DYNC2LI1: variants seen among roughly 807,000 people sequenced by gnomAD.
DYNC2LI1 encodes the protein cytoplasmic dynein 2 light intermediate chain 1.
Under a neutral mutation model 51.9 loss-of-function variants are expected in DYNC2LI1, and 45 were observed. The ratio of observed to expected loss-of-function variants is 0.87; its 90% confidence interval spans 0.68 to 1.11. DYNC2LI1 has a LOEUF of 1.11. Ranked by LOEUF, DYNC2LI1 falls within the 50% of genes most tolerant of loss-of-function variation. DYNC2LI1 has a pLI of 0.00. For synonymous variants in DYNC2LI1, 130 were observed against 137.8 expected, an observed-to-expected ratio of 0.94 and a Z score of 0.40; for missense variants, 490 against 417.4, an observed-to-expected ratio of 1.17 and a Z score of -1.51.
intron 8 of DYNC2LI1, among the ~76,000 whole-genome samples, chr2:43,797,078 T>A (rs368827466): frequency 6.0e-4 from 92 of 152,338 alleles, no homozygotes; most frequent in African/African-American, 2.2e-3. Context: ...TATTTATTCA[T>A]TTTTGGTATC....
At chr2:43,818,326 C>A in the DYNC2LI1 span, among the ~76,000 whole-genome samples, 50 of 152,120 alleles carry the variant, frequency 3.3e-4, no homozygotes, top group Non-Finnish European at 5.7e-4. Flanking sequence ...CACCTGTAAT[C>A]CCAGCTATTC....
chr2:43,800,964 G>T, intron 9 of DYNC2LI1, 47 bp downstream of exon 9: 1 of 1,308,964 alleles, frequency 7.6e-7, no homozygotes, highest in Admixed American at 1.9e-5. Context: ...GATTGATTTA[G>T]CCAATGTTGT....
chr2:43,780,991 C>G (rs535685313), intron 2 of DYNC2LI1, among the ~76,000 whole-genome samples: 44 of 152,126 alleles, frequency 2.9e-4, no homozygotes, highest in Non-Finnish European at 5.6e-4. Context: ...TAATCTAAAA[C>G]TTGATTTCAG....
At position 43,776,789 on chromosome 2, in the gene DYNC2LI1, C is replaced by A. The variant is rs146698690; in HGVS notation, c.16C>A (p.Leu6Ile). Reference sequence around the variant, plus strand: ...TTTCTGCCTCTCATGTAGTGAAACTCTCTGGGAAATTGCAAAAGCTGAAGT... The same window carrying A: ...TTTCTGCCTCTCATGTAGTGAAACTATCTGGGAAATTGCAAAAGCTGAAGT... Reference protein sequence around the residue: MPSETLWEIAKAEVEK... With the variant: MPSETIWEIAKAEVEK... The change falls in exon 2 of 13, where the codon CTC becomes ATC. Residue 6 changes from leucine (L) to isoleucine (I), a missense_variant. By Grantham distance (5) the Leu-to-Ile change is conservative. Transcript: ENST00000260605. 6.4e-7 allele frequency: 1 copy of A among 1,572,064 alleles called. No individual in the cohort carries two copies. Among genetic ancestry groups the A allele is most frequent in the Non-Finnish European group, 8.7e-7 (1 of 1,155,960 alleles).
the DYNC2LI1 span, among the ~76,000 whole-genome samples, chr2:43,827,749 C>G: frequency 2.4e-4 from 37 of 152,294 alleles, no homozygotes; most frequent in African/African-American, 8.7e-4. Context: ...CACTTCAACA[C>G]CAATGCAACG....
At chr2:43,785,978 C>G (rs1229640502) in intron 3 of DYNC2LI1, among the ~76,000 whole-genome samples, 1 of 151,868 alleles carries the variant, frequency 6.6e-6, no homozygotes, top group African/African-American at 2.4e-5. Context: ...GTGTTCTTTA[C>G]CATAATAAAA....
At chr2:43,781,174 C>G (rs1006890845) in intron 2 of DYNC2LI1, among the ~76,000 whole-genome samples, 2 of 152,066 alleles carry the variant, frequency 1.3e-5, no homozygotes, top group African/African-American at 2.4e-5. Flanking sequence ...CAAGACCAGC[C>G]TGACCAACAT....
chr2:43,807,879 C>A (rs896331566), intron 12 of DYNC2LI1, among the ~76,000 whole-genome samples: 1 of 151,516 alleles, frequency 6.6e-6, no homozygotes, highest in African/African-American at 2.4e-5. Flanking sequence ...ATTTTGAGGC[C>A]GTATCATTGT....
intron 8 of DYNC2LI1, among the ~76,000 whole-genome samples, chr2:43,800,296 T>A (rs1260529202): frequency 6.6e-6 from 1 of 152,182 alleles, no homozygotes; most frequent in Admixed American, 6.5e-5. Flanking sequence ...ATTCAGTAGC[T>A]TAGGCACCAA....
chr2:43,776,080 C>G (rs1387363623), intron 1 of DYNC2LI1, among the ~76,000 whole-genome samples: 1 of 151,680 alleles, frequency 6.6e-6, no homozygotes, highest in African/African-American at 2.4e-5. Context: ...TACATGTGCA[C>G]AACGTGCAGG....
At chr2:43,798,183 C>T (rs1044270912) in intron 8 of DYNC2LI1, among the ~76,000 whole-genome samples, 4 of 152,066 alleles carry the variant, frequency 2.6e-5, no homozygotes, top group Non-Finnish European at 4.4e-5. Context: ...AATTAAAGCA[C>T]TCAGAGGAAC....
intron 10 of DYNC2LI1, among the ~76,000 whole-genome samples, chr2:43,802,374 G>GT (rs755071472): frequency 0.037 from 4,962 of 135,424 alleles, 199 homozygotes; most frequent in African/African-American, 0.1. Context: ...GGGCAGTAGG[G>GT]TTTTTTTTTT....
downstream of DYNC2LI1, among the ~76,000 whole-genome samples, chr2:43,813,650 A>G (rs1158992160): frequency 1.5e-5 from 2 of 129,430 alleles, no homozygotes; most frequent in Non-Finnish European, 3.3e-5. Flanking sequence ...TTGTCTTTGG[A>G]GTGGCCCTGA....
chr2:43,774,107 C>A lies in DYNC2LI1; in HGVS notation c.-32C>A. ...TTCTAGGCTGGTCACTACTCCGAGCCTGTGACGTTTGCGGCAGCCAGGCCG... is the reference window on the plus strand; with the variant it reads ...TTCTAGGCTGGTCACTACTCCGAGCATGTGACGTTTGCGGCAGCCAGGCCG... On this transcript the variant is annotated 5_prime_UTR_variant, in exon 1 of 13. The change creates a new upstream start codon in the 5' untranslated region. Transcript: ENST00000260605. The A allele has an allele frequency of 6.2e-7, 1 of 1,613,648 alleles. No individual in the cohort carries two copies. Among genetic ancestry groups the A allele is most frequent in the Non-Finnish European group, 8.5e-7 (1 of 1,179,846 alleles).
chr2:43,812,831 C>T (rs114868704), downstream of DYNC2LI1: 9 of 370,774 alleles, frequency 2.4e-5, no homozygotes, highest in African/African-American at 4.1e-5. Flanking sequence ...AATAGTCACA[C>T]GAGTCTCCCA....
chr2:43,792,741 A>G lies in DYNC2LI1; in HGVS notation c.321-1716A>G, dbSNP rs777900945. On this transcript the variant is annotated intron_variant, in intron 5 of 12. Transcript: ENST00000260605. Reference sequence around the variant, plus strand: ...TTGACCACTCCAGTACCTCATATAAATGAAATCATTCATTATTTGTCCTTT... The same window carrying G: ...TTGACCACTCCAGTACCTCATATAAGTGAAATCATTCATTATTTGTCCTTT... The G allele has an allele frequency of 9.7e-6, 15 of 1,547,478 alleles. 1 individual carries two copies. The South Asian group carries it at 1.7e-4, about 17-fold the overall frequency.
chr2:43,823,824 C>A, the DYNC2LI1 span: 1 of 1,483,160 alleles, frequency 6.7e-7, no homozygotes, highest in African/African-American at 1.4e-5. Context: ...GAGAAAAACC[C>A]TTATAATGGT....
At chr2:43,782,769 G>T (rs1673351732) in intron 2 of DYNC2LI1, among the ~76,000 whole-genome samples, 1 of 151,964 alleles carries the variant, frequency 6.6e-6, no homozygotes, top group Non-Finnish European at 1.5e-5. Context: ...ATTAGATGAG[G>T]CCAGGAGTTC....
chr2:43,790,196 C>T (rs932448132), intron 5 of DYNC2LI1, among the ~76,000 whole-genome samples: 6 of 152,138 alleles, frequency 3.9e-5, no homozygotes, highest in Admixed American at 1.3e-4. Context: ...AAAGTCTCTC[C>T]GTTTGCTGAC....
Sources: gnomAD v4.1 joint callset for allele counts (sites outside exome capture counted in the v4.1 genomes callset) on GRCh38, gnomAD v4.1.1 for gene constraint, MANE v1.5 for transcripts, NCBI Gene and HGNC (gene_info 2026-07-23, HGNC 2026-07-21) for gene names.